Variants in B4GALT5 observed in about 807,000 individuals in gnomAD.
B4GALT5 encodes beta-1,4-galactosyltransferase 5.
B4GALT5 carries 11 observed loss-of-function variants against 45.0 expected under a neutral mutation model. The ratio of observed to expected loss-of-function variants is 0.24; its 90% CI spans 0.15 to 0.40. The LOEUF (loss-of-function observed/expected upper bound fraction) is 0.40. Among genes scored for constraint, B4GALT5 ranks in the 10% least tolerant of loss-of-function variants. B4GALT5 has a pLI of 1.00. For missense variants in B4GALT5, 337 were observed against 500.2 expected, an observed-to-expected ratio of 0.67 and a Z score of 3.11; for synonymous variants, 185 against 182.9, an observed-to-expected ratio of 1.01 and a Z score of -0.09.
chr20:49,666,480 AG>A (rs1223636293), intron 1 of B4GALT5, among the ~76,000 whole-genome samples: 2 of 152,246 alleles, frequency 1.3e-5, no homozygotes, highest in Non-Finnish European at 2.9e-5. Flanking sequence ...AATAAATTCC[AG>A]AAAAACACTG....
At chr20:49,663,284 C>A (rs968579108) in intron 1 of B4GALT5, among the ~76,000 whole-genome samples, 1 of 152,124 alleles carries the variant, frequency 6.6e-6, no homozygotes, top group Non-Finnish European at 1.5e-5. Flanking sequence ...ATTTTCTAAA[C>A]ATTCACCAAG....
intron 2 of B4GALT5, 146 bp downstream of exon 2, chr20:49,656,422 C>T (rs1373932154): frequency 4.0e-6 from 4 of 993,374 alleles, no homozygotes; most frequent in Non-Finnish European, 5.9e-6. Context: ...ATTCATTTGG[C>T]AAGAGCTTTT....
intron 1 of B4GALT5, among the ~76,000 whole-genome samples, chr20:49,688,937 CAA>C (rs780888236): frequency 0.23 from 16,746 of 73,908 alleles, 897 homozygotes; most frequent in East Asian, 0.33. Context: ...AACTCCATCT[CAA>C]AAAAAAAAAA....
Position 49,713,675 on chromosome 20 carries a change from C to G in B4GALT5, c.16G>C (p.Gly6Arg). ...GAGCGGCGCGGCAGCCGCAGCAGCC[C>G]CCGGCGGGCGCGCATGCTGCAGCCA... Reference protein sequence around the residue: MRARRGLLRLPRRSLL... With the variant: MRARRRLLRLPRRSLL... The change falls in exon 1 of 9, where the codon GGG becomes CGG. Residue 6 changes from glycine to arginine, a missense_variant. Physicochemically the swap from Gly to Arg is moderately radical, Grantham distance 125. This residue lies in a region of B4GALT5 where 174 missense variants were observed against 207.4 expected (regional missense o/e 0.84). Coordinates refer to ENST00000371711, the MANE Select transcript of B4GALT5 (RefSeq NM_004776.4). The G allele has an allele frequency of 3.3e-6, 5 of 1,512,082 alleles. No homozygotes were observed. The highest frequency in any genetic ancestry group is 4.4e-6 in the Non-Finnish European group (5 of 1,124,996). 93.7% of individuals were successfully genotyped at this position (1,512,082 alleles called of 1,614,324 possible).
intron 2 of B4GALT5, among the ~76,000 whole-genome samples, chr20:49,650,294 A>G (rs2085616356): frequency 1.3e-5 from 2 of 152,086 alleles, no homozygotes; most frequent in Admixed American, 1.3e-4. Flanking sequence ...AACTTACTCT[A>G]CATCTTGGGA....
At chr20:49,713,550 G>A (rs1328414239) in intron 1 of B4GALT5, 26 bp downstream of exon 1, 19 of 1,547,958 alleles carry the variant, frequency 1.2e-5, no homozygotes, top group Non-Finnish European at 1.5e-5. Context: ...AGCGGCAGCC[G>A]CCGCGGTCCC....
chr20:49,687,350 T>C (rs893195199), intron 1 of B4GALT5, among the ~76,000 whole-genome samples: 1 of 152,224 alleles, frequency 6.6e-6, no homozygotes, highest in African/African-American at 2.4e-5. Flanking sequence ...TCACATTTAT[T>C]GGATTAATAA....
chr20:49,702,911 C>T (rs912519579), intron 1 of B4GALT5, among the ~76,000 whole-genome samples: 8 of 151,610 alleles, frequency 5.3e-5, no homozygotes, highest in Admixed American at 2.6e-4. Context: ...CGGTGGCTCA[C>T]GCCTGTAATG....
At chr20:49,676,109 C>T (rs4141586) in intron 1 of B4GALT5, among the ~76,000 whole-genome samples, 41,826 of 150,506 alleles carry the variant, frequency 0.28, 6,415 homozygotes, top group South Asian at 0.46. Context: ...CACCGATGGG[C>T]CAACTGACAA....
At chr20:49,705,369 T>C (rs1222198466) in intron 1 of B4GALT5, among the ~76,000 whole-genome samples, 1 of 152,200 alleles carries the variant, frequency 6.6e-6, no homozygotes, top group Admixed American at 6.5e-5. Flanking sequence ...AAAAATTCTT[T>C]CTGATTTTCT....
intron 1 of B4GALT5, among the ~76,000 whole-genome samples, chr20:49,694,515 T>C (rs144243735): frequency 0.012 from 1,803 of 148,960 alleles, 10 homozygotes; most frequent in Non-Finnish European, 0.018. Context: ...AAGTAGCTAC[T>C]GGTCCTAGCT....
chr20:49,654,020 CTGCCAAA>C (rs1222241087), intron 2 of B4GALT5, among the ~76,000 whole-genome samples: 1 of 152,196 alleles, frequency 6.6e-6, no homozygotes, highest in African/African-American at 2.4e-5. Flanking sequence ...ACTGCCAGTA[CTGCCAAA>C]TGCCCAGAGA....
chr20:49,685,046 T>C (rs2085779884), intron 1 of B4GALT5, among the ~76,000 whole-genome samples: 1 of 152,202 alleles, frequency 6.6e-6, no homozygotes, highest in South Asian at 2.1e-4. Context: ...AATATTGTTA[T>C]TCTGATTGTG....
At chr20:49,690,485 G>A (rs2085805862) in intron 1 of B4GALT5, among the ~76,000 whole-genome samples, 1 of 150,856 alleles carries the variant, frequency 6.6e-6, no homozygotes, top group Non-Finnish European at 1.5e-5. Flanking sequence ...GGAGGCGGAG[G>A]TTGCAGTAAG....
chr20:49,668,144 T>C (rs2085700046), intron 1 of B4GALT5, among the ~76,000 whole-genome samples: 1 of 152,156 alleles, frequency 6.6e-6, no homozygotes, highest in East Asian at 1.9e-4. Flanking sequence ...ACTTTTGCTT[T>C]CCTAATCCTT....
At chr20:49,650,540 G>A (rs957757903) in intron 2 of B4GALT5, among the ~76,000 whole-genome samples, 2 of 151,872 alleles carry the variant, frequency 1.3e-5, no homozygotes, top group African/African-American at 4.8e-5. Flanking sequence ...AGGAGGCTGA[G>A]GAAGGAGAAT....
chr20:49,690,864 C>T lies in B4GALT5; in HGVS notation c.115+22712G>A, dbSNP rs553788778. Among the ~76,000 whole-genome samples the T allele has an allele frequency of 8.5e-5, 13 of 152,228 alleles. No individual in the cohort carries two copies. The South Asian group carries it at 2.7e-3, about 32-fold the overall frequency. On this transcript the variant is annotated intron_variant, in intron 1 of 8. Transcript: ENST00000371711. ...TCCTTACCCTGAAATTGCAATTTAT[C>T]TATAATTTATATTCCTTGAATACCT...
intron 1 of B4GALT5, among the ~76,000 whole-genome samples, chr20:49,659,869 C>T (rs1482249822): frequency 2.6e-5 from 4 of 151,874 alleles, no homozygotes; most frequent in South Asian, 2.1e-4. Flanking sequence ...CTCCACCTCC[C>T]GGGTTCAAGT....
At chr20:49,679,842 T>C (rs1391846022) in intron 1 of B4GALT5, among the ~76,000 whole-genome samples, 1 of 152,158 alleles carries the variant, frequency 6.6e-6, no homozygotes, top group East Asian at 1.9e-4. Flanking sequence ...ATTTAGGAAA[T>C]ATGGCAAATA....
Sources: allele counts gnomAD v4.1 joint callset (sites outside exome capture counted in the v4.1 genomes callset), GRCh38; gene constraint gnomAD v4.1.1; regional missense constraint gnomAD v4.1.1; transcripts MANE v1.5; gene names NCBI Gene and HGNC (gene_info 2026-07-23, HGNC 2026-07-21).